Variants in ATP6V1C1 observed in about 807,000 individuals in gnomAD.
The protein encoded by ATP6V1C1 is V-type proton ATPase subunit C 1.
Under a neutral mutation model 53.9 loss-of-function variants are expected in ATP6V1C1, and 45 were observed. The ratio of observed to expected loss-of-function variants is 0.83; its 90% CI spans 0.66 to 1.07. The LOEUF (loss-of-function observed/expected upper bound fraction) is 1.07. Ranked by LOEUF, ATP6V1C1 falls within the 50% of genes least tolerant of loss-of-function variation. The pLI is 0.00. For missense variants in ATP6V1C1, 315 were observed against 440.3 expected, an observed-to-expected ratio of 0.72 and a Z score of 2.55; for synonymous variants, 153 against 155.2, an observed-to-expected ratio of 0.99 and a Z score of 0.11.
rs1563603558 is a variant in ATP6V1C1 at position 103,040,851 on chromosome 8, G to A, written c.15G>A (p.Trp5Ter). The stretch of plus-strand genomic sequence containing the variant: ...TAGTAACAAACATGACTGAGTTCTG[G>A]CTTATATCTGCTCCTGGGGAGAAAA... MTEF[W>*]LISAPGEKTC... The change falls in exon 2 of 13, where the codon TGG becomes TGA. Residue 5 changes from tryptophan (W) to a stop codon, truncating the protein, a stop_gained. Transcript: ENST00000518738. LOFTEE classifies it high-confidence loss of function. 1.2e-6 allele frequency: 2 copies of A among 1,613,976 alleles called. No individual in the cohort carries two copies. The highest frequency in any genetic ancestry group is 1.7e-6 in the Non-Finnish European group (2 of 1,179,952).
At position 103,064,707 on chromosome 8, in the gene ATP6V1C1, T is replaced by C; in HGVS notation, c.829-7T>C. On this transcript the variant is annotated splice_polypyrimidine_tract_variant and splice_region_variant and intron_variant, in intron 10 of 12. Coordinates refer to ENST00000518738, the MANE Select transcript of ATP6V1C1 (RefSeq NM_001695.5). ...CAAATTTGTGGTAATTTTTTTTCTTTTTATAGGGACCACTTGTACGGTGGC... is the reference window on the plus strand; with the variant it reads ...CAAATTTGTGGTAATTTTTTTTCTTCTTATAGGGACCACTTGTACGGTGGC... 3 of 1,604,394 alleles carry C rather than the reference T, an allele frequency of 1.9e-6. No individual in the cohort carries two copies. The highest frequency in any genetic ancestry group is 2.2e-5 in the East Asian group (1 of 44,758).
rs1355047557 is a variant in ATP6V1C1, at chr8:103,040,200, G to C, written c.-39-598G>C. On this transcript the variant is annotated intron_variant, in intron 1 of 12. Transcript: ENST00000518738. ...AGGTTGGGTGTGGTGGATCACTTGAGGCCAGGAGTTCAAGACCAGCCTGGC... is the reference window on the plus strand; with the variant it reads ...AGGTTGGGTGTGGTGGATCACTTGACGCCAGGAGTTCAAGACCAGCCTGGC... 2.0e-5 allele frequency among the ~76,000 whole-genome samples: 3 copies of C among 151,344 alleles called. No homozygotes were observed. In the Admixed American group the frequency reaches 2.0e-4, roughly 10 times the overall value.
rs150462523 is a variant in ATP6V1C1 at position 103,061,314 on chromosome 8, G to C, written c.642-1641G>C. 1.4e-3 allele frequency among the ~76,000 whole-genome samples: 220 copies of C among 152,320 alleles called. 1 individual carries two copies. The highest frequency in any genetic ancestry group is 5.2e-3 in the African/African-American group (216 of 41,560). On this transcript the variant is annotated intron_variant, in intron 8 of 12. Coordinates refer to ENST00000518738, the MANE Select transcript of ATP6V1C1 (RefSeq NM_001695.5). The stretch of plus-strand genomic sequence containing the variant: ...ATACACTAGGGAGGTGCCCCTGCTG[G>C]CTGGCTGACGAGGAGTAGGGTAGAT...
Position 103,068,977 on chromosome 8 carries a change from A to G in ATP6V1C1, c.*230A>G, listed in dbSNP as rs1173309776. ...AGGTCTGTAAATGTGTACTAAAAAA[A>G]TCAGAGTTTATTTATAAACAAAATA... is the stretch of plus-strand genomic sequence containing the variant. On this transcript the variant is annotated 3_prime_UTR_variant, in exon 13 of 13. Transcript: ENST00000518738. 6 of 279,410 alleles carry G rather than the reference A, an allele frequency of 2.1e-5. No individual in the cohort carries two copies. The highest frequency in any genetic ancestry group is 3.9e-5 in the Non-Finnish European group (6 of 153,232). The allele number at this position is 279,410 out of a possible 1,614,324, so 17.3% of individuals were successfully genotyped here.
intron 4 of ATP6V1C1, among the ~76,000 whole-genome samples, 185 bp from the exon 5 acceptor site, chr8:103,050,865 T>C (rs1817187390): frequency 6.6e-6 from 1 of 152,172 alleles, no homozygotes; most frequent in Non-Finnish European, 1.5e-5. Context: ...GAGAAGAGAT[T>C]ACAAGGTAGA....
chr8:103,059,850 C>T (rs1817362335), intron 8 of ATP6V1C1, among the ~76,000 whole-genome samples: 1 of 146,368 alleles, frequency 6.8e-6, no homozygotes, highest in South Asian at 2.2e-4. Context: ...GCTTGTCCCT[C>T]CCCATTTTGA....
intron 8 of ATP6V1C1, among the ~76,000 whole-genome samples, chr8:103,060,864 C>G (rs1021914409): frequency 6.6e-6 from 1 of 152,152 alleles, no homozygotes; most frequent in Non-Finnish European, 1.5e-5. Context: ...TAGCTAGGAA[C>G]CTGCTTAATA....
At position 103,062,161 on chromosome 8, in the gene ATP6V1C1, GTTTTTT is replaced by G. The variant is rs767825523; in HGVS notation, c.642-770_642-765del. Among the ~76,000 whole-genome samples, 92 of 70,782 alleles carry G rather than the reference GTTTTTT, an allele frequency of 1.3e-3. 1 individual carries two copies. The highest frequency in any genetic ancestry group is 5.2e-3 in the African/African-American group (88 of 16,958). The allele number at this position is 70,782 out of a possible 152,430, so 46.4% of individuals were successfully genotyped here. On this transcript the variant is annotated intron_variant, in intron 8 of 12. Transcript: ENST00000518738. ...TATTTAGACAGTTGTGTTCATCAGG[GTTTTTT>G]TTTTTTTTTTTTTTTTTTTTTTTGA...
At chr8:103,024,340 A>G (rs1441643422) in intron 1 of ATP6V1C1, among the ~76,000 whole-genome samples, 1 of 152,208 alleles carries the variant, frequency 6.6e-6, no homozygotes, top group Non-Finnish European at 1.5e-5. Flanking sequence ...CCTCATGTAC[A>G]TTAGTTTTTT....
intron 1 of ATP6V1C1, among the ~76,000 whole-genome samples, chr8:103,031,013 A>G (rs1226743225): frequency 1.3e-5 from 2 of 152,150 alleles, no homozygotes; most frequent in Non-Finnish European, 2.9e-5. Context: ...CCTTGGGTGG[A>G]TCAAGCTGAT....
Position 103,049,364 on chromosome 8 carries a change from G to A in ATP6V1C1, c.286+409G>A, listed in dbSNP as rs76722742. Among the ~76,000 whole-genome samples, 21 of 152,130 alleles carry A rather than the reference G, an allele frequency of 1.4e-4. 1 individual carries two copies. Among genetic ancestry groups the A allele is most frequent in the African/African-American group, 4.8e-4 (20 of 41,432 alleles). The stretch of plus-strand genomic sequence containing the variant: ...TATTTAATAGTATGTAACTGTTAAA[G>A]CTTTAGAACAGAAATTATTAATTTT... On this transcript the variant is annotated intron_variant, in intron 4 of 12. Coordinates refer to ENST00000518738, the MANE Select transcript of ATP6V1C1 (RefSeq NM_001695.5).
rs569759897 is a variant in ATP6V1C1, at chr8:103,046,677, AATC to A, written c.201-2190_201-2188del. ...TCCTGAATGATAAGAGGAATTTAAAAATCATGTCGTTGTTAGACTTTGGTAGTA... is the reference window on the plus strand; with the variant it reads ...TCCTGAATGATAAGAGGAATTTAAAAATGTCGTTGTTAGACTTTGGTAGTA... On this transcript the variant is annotated intron_variant, in intron 3 of 12. Transcript: ENST00000518738. Among the ~76,000 whole-genome samples, 369 of 152,346 alleles carry A rather than the reference AATC, an allele frequency of 2.4e-3. 4 individuals are homozygous for A. Among genetic ancestry groups the A allele is most frequent in the African/African-American group, 7.9e-3 (329 of 41,574 alleles).
intron 1 of ATP6V1C1, among the ~76,000 whole-genome samples, chr8:103,023,897 T>A (rs374437499): frequency 3.5e-4 from 51 of 145,500 alleles, no homozygotes; most frequent in Admixed American, 2.7e-3. Context: ...TGATTCAGCA[T>A]TTTTTTTTGG....
chr8:103,070,560 C>T lies in ATP6V1C1; in HGVS notation c.*1813C>T, dbSNP rs1817569755. ...AGTATCTGTAACGTGGCGCTACTCT[C>T]TCTATCATGGGGGGGCATGTTTTGA... On this transcript the variant is annotated 3_prime_UTR_variant, in exon 13 of 13. Transcript: ENST00000518738. 6.6e-6 allele frequency: 1 copy of T among 152,178 alleles called. No individual in the cohort carries two copies. The highest frequency in any genetic ancestry group is 1.5e-5 in the Non-Finnish European group (1 of 68,028). The allele number at this position is 152,178 out of a possible 1,614,324, so 9.4% of individuals were successfully genotyped here.
intron 1 of ATP6V1C1, among the ~76,000 whole-genome samples, chr8:103,039,201 T>C (rs1486837804): frequency 2.6e-5 from 4 of 152,200 alleles, no homozygotes; most frequent in Non-Finnish European, 5.9e-5. Context: ...GGAAGATGAA[T>C]TGAGATAATA....
intron 8 of ATP6V1C1, among the ~76,000 whole-genome samples, chr8:103,062,129 C>G (rs549426651): frequency 2.2e-5 from 3 of 134,340 alleles, no homozygotes; most frequent in African/African-American, 8.3e-5. Context: ...CACTTTTATT[C>G]AGAGATTATT....
intron 1 of ATP6V1C1, among the ~76,000 whole-genome samples, chr8:103,040,420 A>T (rs1161463734): frequency 1.3e-5 from 2 of 152,064 alleles, no homozygotes; most frequent in African/African-American, 4.8e-5. Flanking sequence ...TCTCAAAAAA[A>T]AAAAAAAGTT....
chr8:103,037,726 C>T (rs1159518858), intron 1 of ATP6V1C1, among the ~76,000 whole-genome samples: 3 of 152,232 alleles, frequency 2.0e-5, no homozygotes, highest in Non-Finnish European at 4.4e-5. Context: ...TGAAGTATTT[C>T]AGATATACAG....
intron 3 of ATP6V1C1, among the ~76,000 whole-genome samples, chr8:103,048,609 T>G (rs1472192735): frequency 1.3e-5 from 2 of 152,194 alleles, no homozygotes; most frequent in Non-Finnish European, 2.9e-5. Flanking sequence ...TTCCCATGAC[T>G]TACTTTCTAG....
Sources: gnomAD v4.1 joint callset for allele counts (sites outside exome capture counted in the v4.1 genomes callset) on GRCh38, gnomAD v4.1.1 for gene constraint, MANE v1.5 for transcripts, NCBI Gene and HGNC (gene_info 2026-07-23, HGNC 2026-07-21) for gene names.